The following DCLK2 variants were observed in gnomAD, a reference collection of about 807,000 sequenced individuals.
The protein encoded by DCLK2 is serine/threonine-protein kinase DCLK2.
A neutral mutation model predicts 78.4 loss-of-function variants in DCLK2; 31 were observed. The observed-to-expected ratio is 0.40, with a 90% CI of 0.30 to 0.53. The LOEUF (loss-of-function observed/expected upper bound fraction) is 0.53, where lower values mean the gene tolerates loss of function less well. DCLK2 is among the 20% of genes least tolerant of loss of function. The probability of loss-of-function intolerance (pLI) is 0.61; values close to 1 mark genes in which losing one functional copy is unlikely to be tolerated. For synonymous variants in DCLK2, 407 were observed against 374.9 expected (o/e 1.09, Z -0.99); for missense variants, 872 against 973.7 (o/e 0.90, Z 1.39).
intron 3 of DCLK2, 57 bp from the exon 4 acceptor site, chr4:150,197,945 C>T (rs1189900087): frequency 1.4e-6 from 2 of 1,402,732 alleles, no homozygotes; most frequent in East Asian, 4.6e-5. Flanking sequence ...ACATGTAACT[C>T]TGCTTTTGGT....
intron 2 of DCLK2, among the ~76,000 whole-genome samples, chr4:150,116,209 GCTGT>G (rs1214848952): frequency 6.6e-6 from 1 of 152,172 alleles, no homozygotes; most frequent in Non-Finnish European, 1.5e-5. Flanking sequence ...TTCTAGAAGG[GCTGT>G]CTACAGGTGT....
intron 5 of DCLK2, among the ~76,000 whole-genome samples, chr4:150,216,899 G>A (rs1428333778): frequency 6.6e-6 from 1 of 152,108 alleles, no homozygotes; most frequent in Non-Finnish European, 1.5e-5. Flanking sequence ...GAACCAGTTG[G>A]CAATTATGAA....
intron 2 of DCLK2, among the ~76,000 whole-genome samples, chr4:150,104,801 A>G (rs1416326180): frequency 1.3e-5 from 2 of 152,194 alleles, no homozygotes; most frequent in Non-Finnish European, 2.9e-5. Context: ...ATCTGAAACA[A>G]CAAGCCAATG....
At chr4:150,150,367 G>A (rs1734799880) in intron 2 of DCLK2, among the ~76,000 whole-genome samples, 1 of 152,022 alleles carries the variant, frequency 6.6e-6, no homozygotes, top group Admixed American at 6.6e-5. Flanking sequence ...GATGGTGATA[G>A]GTCTCTTTCA....
At chr4:150,193,356 T>G (rs1263559057) in intron 3 of DCLK2, 116 bp downstream of exon 3, 1 of 553,012 alleles carries the variant, frequency 1.8e-6, no homozygotes, top group African/African-American at 1.9e-5. Context: ...TGAGGAAAGA[T>G]AGCATTGGCA....
intron 2 of DCLK2, among the ~76,000 whole-genome samples, chr4:150,184,630 C>G (rs1399753376): frequency 1.4e-5 from 2 of 141,322 alleles, no homozygotes; most frequent in African/African-American, 5.3e-5. Context: ...GAGACGGAGT[C>G]TCACTCTGTC....
intron 2 of DCLK2, among the ~76,000 whole-genome samples, chr4:150,135,357 A>G (rs1465239315): frequency 3.3e-5 from 5 of 152,232 alleles, no homozygotes; most frequent in African/African-American, 1.2e-4. Flanking sequence ...AGAATACCTT[A>G]TTAATGTCTC....
chr4:150,130,620 G>A (rs528699744), intron 2 of DCLK2, among the ~76,000 whole-genome samples: 19 of 152,216 alleles, frequency 1.2e-4, no homozygotes, highest in South Asian at 6.2e-4. Context: ...GCTATGTGAA[G>A]ACTATATCAG....
At chr4:150,223,740 T>G (rs1355755540) in intron 7 of DCLK2, among the ~76,000 whole-genome samples, 1 of 102,420 alleles carries the variant, frequency 9.8e-6, no homozygotes, top group Non-Finnish European at 2.0e-5. Context: ...CAAGACTCTC[T>G]CTCAATAAAT....
intron 2 of DCLK2, among the ~76,000 whole-genome samples, chr4:150,152,316 C>T (rs187626815): frequency 2.0e-5 from 3 of 152,272 alleles, no homozygotes; most frequent in Non-Finnish European, 4.4e-5. Flanking sequence ...TGGGATCTCA[C>T]TGTTGCCCAA....
intron 2 of DCLK2, among the ~76,000 whole-genome samples, chr4:150,103,144 A>T (rs564375771): frequency 6.6e-6 from 1 of 152,214 alleles, no homozygotes; most frequent in African/African-American, 2.4e-5. Flanking sequence ...TCATCTATTT[A>T]TGAATAACTG....
intron 1 of DCLK2, among the ~76,000 whole-genome samples, chr4:150,090,235 G>A (rs942742384): frequency 3.9e-5 from 6 of 152,114 alleles, no homozygotes; most frequent in Admixed American, 1.3e-4. Flanking sequence ...GAGAAACCCC[G>A]TCTCTACTAA....
At chr4:150,085,413 A>G (rs975382722) in intron 1 of DCLK2, among the ~76,000 whole-genome samples, 1 of 152,148 alleles carries the variant, frequency 6.6e-6, no homozygotes, top group African/African-American at 2.4e-5. Flanking sequence ...TGGAAGGTGA[A>G]AGCAAACGTA....
At chr4:150,189,345 A>G (rs752039505) in intron 2 of DCLK2, among the ~76,000 whole-genome samples, 3 of 152,242 alleles carry the variant, frequency 2.0e-5, no homozygotes, top group Non-Finnish European at 4.4e-5. Context: ...ATAACTGACT[A>G]TAAAACAAGA....
Position 150,124,743 on chromosome 4 carries a change from C to G in DCLK2, c.756+21931C>G, listed in dbSNP as rs1250023511. On this transcript the variant is annotated intron_variant, in intron 2 of 15. Coordinates refer to ENST00000296550, the MANE Select transcript of DCLK2 (RefSeq NM_001040260.4). ...ATCTTAGATGCCTCTCAGCTTAATA[C>G]AGTAGCCCAAATTTTACATGTAGAC... Among the ~76,000 whole-genome samples the G allele has an allele frequency of 2.6e-5, 4 of 152,172 alleles. No homozygotes were observed. In the South Asian group the frequency reaches 8.3e-4, roughly 31 times the overall value.
At chr4:150,080,737 A>G (rs1729198827) in intron 1 of DCLK2, among the ~76,000 whole-genome samples, 1 of 152,212 alleles carries the variant, frequency 6.6e-6, no homozygotes, top group Admixed American at 6.5e-5. Context: ...ACCTCTGCTG[A>G]GCTAATGGAG....
intron 12 of DCLK2, among the ~76,000 whole-genome samples, chr4:150,242,047 G>C (rs1742966949): frequency 6.6e-6 from 1 of 152,110 alleles, no homozygotes; most frequent in South Asian, 2.1e-4. Context: ...ACATTTTATT[G>C]TGAAAACTTT....
At chr4:150,185,679 A>G (rs1043340317) in intron 2 of DCLK2, among the ~76,000 whole-genome samples, 3 of 150,132 alleles carry the variant, frequency 2.0e-5, no homozygotes, top group African/African-American at 7.4e-5. Context: ...GCGTCATTGT[A>G]CTCCAGCCTG....
At chr4:150,169,976 C>G (rs937376759) in intron 2 of DCLK2, among the ~76,000 whole-genome samples, 1 of 152,178 alleles carries the variant, frequency 6.6e-6, no homozygotes, top group African/African-American at 2.4e-5. Context: ...TGATCTGTTG[C>G]TTATCTGAAA....
Sources: gnomAD v4.1 joint callset for allele counts (sites outside exome capture counted in the v4.1 genomes callset) on GRCh38, gnomAD v4.1.1 for gene constraint, MANE v1.5 for transcripts, NCBI Gene and HGNC (gene_info 2026-07-23, HGNC 2026-07-21) for gene names.